Variants in PPARA observed in about 807,000 individuals in gnomAD.
The protein encoded by PPARA is peroxisome proliferator activated receptor alpha.
PPARA carries 22 observed loss-of-function variants against 42.2 expected under a neutral mutation model. That is an observed-to-expected ratio of 0.52 (90% CI 0.37 to 0.74). PPARA has a LOEUF of 0.74. Ranked by LOEUF, PPARA falls within the 30% of genes least tolerant of loss-of-function variation. The probability of loss-of-function intolerance (pLI) is 0.00; values close to 1 mark genes in which losing one functional copy is unlikely to be tolerated. For synonymous variants in PPARA, 242 were observed against 239.3 expected, an observed-to-expected ratio of 1.01 and a Z score of -0.10; for missense variants, 465 against 608.2, an observed-to-expected ratio of 0.76 and a Z score of 2.48.
In PPARA at chr22:46,216,192, G is replaced by A. The variant is rs1041598427; in HGVS notation, c.369+859G>A. Among the ~76,000 whole-genome samples the A allele has an allele frequency of 6.6e-6, 1 of 152,068 alleles. No homozygotes were observed. The highest frequency in any genetic ancestry group is 2.4e-5 in the African/African-American group (1 of 41,394). On this transcript the variant is annotated intron_variant, in intron 5 of 8. Transcript: ENST00000407236. This position sits in a 1 kb window ranked among gnomAD's most constrained non-coding sequence, Gnocchi z 4.5. ...GAGGTCAGGAGTTCAAGACCAGCCT[G>A]GCCAACATGGTGAAACCCTGTCTCT... is the stretch of plus-strand genomic sequence containing the variant.
rs1270920988 is a variant in PPARA at position 46,195,117 on chromosome 22, G to T, written c.-42-3225G>T. Among the ~76,000 whole-genome samples, 1 of 150,616 alleles carries T rather than the reference G, an allele frequency of 6.6e-6. No individual in the cohort carries two copies. Among genetic ancestry groups the T allele is most frequent in the Non-Finnish European group, 1.5e-5 (1 of 67,780 alleles). ...GGGGTTTCACCCTGTTGGCCAGGCT[G>T]GTTTCGAACTCCTGACCTTAAGTGA... On this transcript the variant is annotated intron_variant, in intron 3 of 8. Coordinates refer to ENST00000407236, the MANE Select transcript of PPARA (RefSeq NM_005036.6). This position sits in a 1 kb window ranked among gnomAD's most constrained non-coding sequence, Gnocchi z 4.6.
At chr22:46,159,996 C>T (rs758773553) in intron 2 of PPARA, among the ~76,000 whole-genome samples, 6 of 151,864 alleles carry the variant, frequency 4.0e-5, no homozygotes, top group African/African-American at 1.5e-4. Flanking sequence ...ACAGAGATTC[C>T]GATCACAAGC....
At chr22:46,170,548 C>T (rs1350683066) in intron 2 of PPARA, among the ~76,000 whole-genome samples, 1 of 151,030 alleles carries the variant, frequency 6.6e-6, no homozygotes, top group African/African-American at 2.4e-5. Context: ...TGCACCGGTC[C>T]TGATTTGAGT....
At chr22:46,202,573 C>T (rs1204204692) in intron 4 of PPARA, among the ~76,000 whole-genome samples, 1 of 151,874 alleles carries the variant, frequency 6.6e-6, no homozygotes, top group East Asian at 1.9e-4. Flanking sequence ...CTCATCTCTA[C>T]TAAAAATAAA....
chr22:46,160,011 A>G lies in PPARA; in HGVS notation c.-127+8041A>G, dbSNP rs1188548628. ...ACAGAGATTCCGATCACAAGCTGTGACTGGAAGACGCCGACCACCACTGCA... is the reference window on the plus strand; with the variant it reads ...ACAGAGATTCCGATCACAAGCTGTGGCTGGAAGACGCCGACCACCACTGCA... On this transcript the variant is annotated intron_variant, in intron 2 of 8. Coordinates refer to ENST00000407236, the MANE Select transcript of PPARA (RefSeq NM_005036.6). This position sits in a 1 kb window ranked among gnomAD's most constrained non-coding sequence, Gnocchi z 4.5. 2.0e-5 allele frequency among the ~76,000 whole-genome samples: 3 copies of G among 151,890 alleles called. No homozygotes were observed. Among genetic ancestry groups the G allele is most frequent in the Non-Finnish European group, 4.4e-5 (3 of 67,934 alleles).
chr22:46,182,444 G>C lies in PPARA; in HGVS notation c.-43+5608G>C, dbSNP rs973113553. 1.3e-5 allele frequency among the ~76,000 whole-genome samples: 2 copies of C among 152,156 alleles called. No individual in the cohort carries two copies. The highest frequency in any genetic ancestry group is 2.9e-5 in the Non-Finnish European group (2 of 68,022). ...GCTGAAATAATTGTGCTGAGTAAAAGAAGACAGGAAAAATAAGTATAATAC... is the reference window on the plus strand; with the variant it reads ...GCTGAAATAATTGTGCTGAGTAAAACAAGACAGGAAAAATAAGTATAATAC... On this transcript the variant is annotated intron_variant, in intron 3 of 8. Coordinates refer to ENST00000407236, the MANE Select transcript of PPARA (RefSeq NM_005036.6). This position sits in a 1 kb window ranked among gnomAD's most constrained non-coding sequence, Gnocchi z 5.2.
chr22:46,189,854 G>A (rs373564302), intron 3 of PPARA, among the ~76,000 whole-genome samples: 2 of 151,918 alleles, frequency 1.3e-5, no homozygotes, highest in South Asian at 2.1e-4. Flanking sequence ...CTACAGGCAC[G>A]TGCCACCACG....
rs1936090442 is a variant in PPARA at position 46,234,505 on chromosome 22, T to G, written c.1160-628T>G. Among the ~76,000 whole-genome samples the G allele has an allele frequency of 1.3e-5, 2 of 152,020 alleles. No homozygotes were observed. The highest frequency in any genetic ancestry group is 1.3e-4 in the Admixed American group (2 of 15,260). Reference sequence around the variant, plus strand: ...CCAGGCAGGTCATCTGGTGTGAATGTTGACTCTTCCTGCACCAAGTCTCAG... The same window carrying G: ...CCAGGCAGGTCATCTGGTGTGAATGGTGACTCTTCCTGCACCAAGTCTCAG... On this transcript the variant is annotated intron_variant, in intron 8 of 8. Transcript: ENST00000407236. This position sits in a 1 kb window ranked among gnomAD's most constrained non-coding sequence, Gnocchi z 5.8.
Position 46,232,145 on chromosome 22 carries a change from G to A in PPARA, c.1065G>A (p.Met355Ile). The change falls in exon 8 of 9, where the codon ATG (methionine) becomes ATA (isoleucine). Residue 355 changes from methionine to isoleucine, a missense_variant. Met to Ile is a conservative substitution (Grantham distance 10). Around this residue, in one of 2 missense-constraint regions of PPARA, gnomAD observed 313 missense variants for 469.1 expected, o/e 0.67. Transcript: ENST00000407236. This position sits in a 1 kb window ranked among gnomAD's most constrained non-coding sequence, Gnocchi z 5.3. Reference protein sequence around the residue: ...KSLRKPFCDIMEPKFDFAMKF... With the variant: ...KSLRKPFCDIIEPKFDFAMKF... ...TAAGGAAACCGTTCTGTGATATCAT[G>A]GAACCCAAGTTTGATTTTGCCATGA... 1 of 1,614,198 alleles carries A rather than the reference G, an allele frequency of 6.2e-7. No homozygotes were observed. The highest frequency in any genetic ancestry group is 1.3e-5 in the African/African-American group (1 of 75,056).
At chr22:46,177,995 C>T (rs1242471952) in intron 3 of PPARA, among the ~76,000 whole-genome samples, 1 of 151,916 alleles carries the variant, frequency 6.6e-6, no homozygotes, top group Non-Finnish European at 1.5e-5. Flanking sequence ...GGTTTATACC[C>T]AGGGAGGTAT....
Position 46,182,776 on chromosome 22 carries a change from G to A in PPARA, c.-43+5940G>A, listed in dbSNP as rs533420909. ...ATTTTATTTTTTGAGACAGAGTCTC[G>A]CTCCATCGTCCAGGCTGGAGTGCAA... is the stretch of plus-strand genomic sequence containing the variant. On this transcript the variant is annotated intron_variant, in intron 3 of 8. Transcript: ENST00000407236. The surrounding 1 kb of genome is among the most constrained non-coding windows in gnomAD (Gnocchi z 5.2). Among the ~76,000 whole-genome samples, 3 of 152,060 alleles carry A rather than the reference G, an allele frequency of 2.0e-5. No individual in the cohort carries two copies. In the South Asian group the frequency reaches 6.2e-4, roughly 32 times the overall value.
intron 2 of PPARA, among the ~76,000 whole-genome samples, chr22:46,166,093 T>C (rs1289285539): frequency 6.6e-6 from 1 of 152,188 alleles, no homozygotes; most frequent in Non-Finnish European, 1.5e-5. Context: ...GTATATACAC[T>C]GTGAGTGCTG....
Position 46,241,297 on chromosome 22 carries a change from C to T in PPARA, c.*5917C>T, listed in dbSNP as rs372459310. On this transcript the variant is annotated 3_prime_UTR_variant, in exon 9 of 9. Transcript: ENST00000407236. This position sits in a 1 kb window ranked among gnomAD's most constrained non-coding sequence, Gnocchi z 5.7. ...CCATAGACTAGGGTAAGAATAAAGG[C>T]AATAAATTTGGTCTGACTCAGAATA... The T allele has an allele frequency of 2.6e-5, 4 of 152,262 alleles. No individual in the cohort carries two copies. Among genetic ancestry groups the T allele is most frequent in the Admixed American group, 6.5e-5 (1 of 15,304 alleles). The allele number at this position is 152,262 out of a possible 1,614,324, so 9.4% of individuals were successfully genotyped here. A position where few individuals can be genotyped will look rare whatever the true frequency, so the allele number is the denominator to read the frequency against.
intron 5 of PPARA, among the ~76,000 whole-genome samples, chr22:46,217,243 C>G (rs1934573633): frequency 6.6e-6 from 1 of 152,184 alleles, no homozygotes; most frequent in African/African-American, 2.4e-5. Context: ...CTGTCCCTCT[C>G]CCGCGGGCCA....
intron 5 of PPARA, 50 bp downstream of exon 5, chr22:46,215,383 A>C (rs772313058): frequency 1.2e-6 from 2 of 1,609,884 alleles, no homozygotes; most frequent in Non-Finnish European, 1.7e-6. Flanking sequence ...TCAACTACTT[A>C]TGGTCACTTT....
rs1352340209 is a variant in PPARA, at chr22:46,222,877, T to C, written c.711+2863T>C. Reference sequence around the variant, plus strand: ...TACAAAAAATGATTTTTTAAAAAACTAGCTGGGCATGGTGGCATGTGCCTG... The same window carrying C: ...TACAAAAAATGATTTTTTAAAAAACCAGCTGGGCATGGTGGCATGTGCCTG... On this transcript the variant is annotated intron_variant, in intron 7 of 8. Transcript: ENST00000407236. The surrounding 1 kb of genome is among the most constrained non-coding windows in gnomAD (Gnocchi z 5.9). Among the ~76,000 whole-genome samples the C allele has an allele frequency of 6.6e-6, 1 of 152,066 alleles. No homozygotes were observed. Among genetic ancestry groups the C allele is most frequent in the Non-Finnish European group, 1.5e-5 (1 of 68,008 alleles).
chr22:46,232,043 G>A lies in PPARA; in HGVS notation c.963G>A (p.Leu321=). Reference sequence around the variant, plus strand: ...TTTATGAGGCCATATTCGCCATGCTGTCTTCTGTGATGAACAAAGACGGGA... The same window carrying A: ...TTTATGAGGCCATATTCGCCATGCTATCTTCTGTGATGAACAAAGACGGGA... The part of the protein sequence containing the change: ...YGVYEAIFAM[L]SSVMNKDGML... Residue 321 remains leucine (L), a synonymous_variant, in exon 8 of 9, where the codon CTG becomes CTA. Coordinates refer to ENST00000407236, the MANE Select transcript of PPARA (RefSeq NM_005036.6). This position sits in a 1 kb window ranked among gnomAD's most constrained non-coding sequence, Gnocchi z 5.3. The A allele has an allele frequency of 1.2e-6, 2 of 1,614,232 alleles. No homozygotes were observed. Among genetic ancestry groups the A allele is most frequent in the East Asian group, 2.2e-5 (1 of 44,892 alleles).
At chr22:46,194,546 C>G (rs903090057) in intron 3 of PPARA, among the ~76,000 whole-genome samples, 15 of 150,864 alleles carry the variant, frequency 9.9e-5, no homozygotes, top group Non-Finnish European at 1.9e-4. Flanking sequence ...CACACAGTCT[C>G]TGCCCATCTA....
chr22:46,207,716 C>T (rs1406396106), intron 4 of PPARA, among the ~76,000 whole-genome samples: 5 of 111,948 alleles, frequency 4.5e-5, no homozygotes, highest in East Asian at 2.7e-4. Flanking sequence ...CAGGGTCTTG[C>T]GCTGATGCCG....
Sources: gnomAD v4.1 joint callset for allele counts (sites outside exome capture counted in the v4.1 genomes callset) on GRCh38, gnomAD v4.1.1 for gene constraint, gnomAD v4.1.1 regional missense constraint, Gnocchi (gnomAD v3.1) non-coding constraint, MANE v1.5 for transcripts, NCBI Gene and HGNC (gene_info 2026-07-23, HGNC 2026-07-21) for gene names.